Variants in CDH18 observed in about 807,000 individuals in gnomAD.
CDH18 encodes cadherin-18.
A neutral mutation model predicts 67.9 loss-of-function variants in CDH18; 31 were observed. The observed-to-expected ratio is 0.46, with a 90% CI of 0.34 to 0.62. CDH18 has a LOEUF of 0.62. Ranked by LOEUF, CDH18 falls within the 20% of genes least tolerant of loss-of-function variation. The pLI is 0.01. For missense variants in CDH18, 890 were observed against 975.5 expected, an observed-to-expected ratio of 0.91 and a Z score of 1.17; for synonymous variants, 362 against 347.2, an observed-to-expected ratio of 1.04 and a Z score of -0.48.
At chr5:20,472,726 C>A (rs975658320) in intron 1 of CDH18, among the ~76,000 whole-genome samples, 2 of 152,118 alleles carry the variant, frequency 1.3e-5, no homozygotes, top group African/African-American at 4.8e-5. Context: ...AATGACGATG[C>A]CTGAGTTACT....
intron 9 of CDH18, among the ~76,000 whole-genome samples, chr5:19,540,946 A>G (rs573864148): frequency 2.6e-4 from 39 of 152,180 alleles, no homozygotes; most frequent in Non-Finnish European, 5.0e-4. Flanking sequence ...AGCAGGCTCG[A>G]ATTTCTTCCC....
chr5:20,547,633 A>G (rs1288667729), intron 1 of CDH18, among the ~76,000 whole-genome samples: 3 of 152,160 alleles, frequency 2.0e-5, no homozygotes, highest in African/African-American at 7.2e-5. Context: ...AAATTTTGAT[A>G]GCATTCTTAG....
At chr5:20,111,333 A>T (rs1747440155) in intron 2 of CDH18, among the ~76,000 whole-genome samples, 1 of 152,066 alleles carries the variant, frequency 6.6e-6, no homozygotes, top group African/African-American at 2.4e-5. Flanking sequence ...GACACATCCA[A>T]TGATTTGCTG....
intron 2 of CDH18, among the ~76,000 whole-genome samples, chr5:19,893,719 A>T (rs1034499023): frequency 6.6e-6 from 1 of 152,108 alleles, no homozygotes; most frequent in Admixed American, 6.6e-5. Flanking sequence ...TTTAAGGAAG[A>T]TTTATGGAAG....
intron 5 of CDH18, among the ~76,000 whole-genome samples, chr5:19,708,899 C>T (rs993779481): frequency 6.6e-6 from 1 of 152,070 alleles, no homozygotes; most frequent in African/African-American, 2.4e-5. Flanking sequence ...TCTTTAATTC[C>T]TCTAGCACCA....
At chr5:19,980,783 C>T (rs1403623016) in intron 2 of CDH18, among the ~76,000 whole-genome samples, 2 of 152,142 alleles carry the variant, frequency 1.3e-5, no homozygotes, top group Admixed American at 6.6e-5. Context: ...GCTACAGTTG[C>T]GTATTCCATT....
chr5:19,779,423 CA>C (rs1160350134), intron 3 of CDH18, among the ~76,000 whole-genome samples: 2 of 152,062 alleles, frequency 1.3e-5, no homozygotes, highest in African/African-American at 4.8e-5. Context: ...AACAAATAGA[CA>C]GTAAAATACA....
intron 2 of CDH18, among the ~76,000 whole-genome samples, chr5:20,060,671 A>T (rs1166693107): frequency 6.6e-6 from 1 of 152,168 alleles, no homozygotes; most frequent in African/African-American, 2.4e-5. Context: ...TTTAAAAAAT[A>T]TTATAATGTT....
At chr5:19,875,870 T>C (rs904636634) in intron 2 of CDH18, among the ~76,000 whole-genome samples, 2 of 130,352 alleles carry the variant, frequency 1.5e-5, no homozygotes, top group Non-Finnish European at 3.3e-5. Flanking sequence ...TTAAATTTTA[T>C]TCCTTGGTAA....
chr5:20,312,768 G>A (rs1737108589), intron 1 of CDH18, among the ~76,000 whole-genome samples: 1 of 152,044 alleles, frequency 6.6e-6, no homozygotes, highest in Admixed American at 6.6e-5. Flanking sequence ...AAGACCCTTA[G>A]AAAATCTATT....
At chr5:20,125,794 A>G (rs1346143456) in intron 2 of CDH18, among the ~76,000 whole-genome samples, 1 of 152,128 alleles carries the variant, frequency 6.6e-6, no homozygotes, top group Non-Finnish European at 1.5e-5. Flanking sequence ...TGAGACAATC[A>G]TAGTTGATTC....
chr5:20,194,464 T>C (rs1245414769), intron 2 of CDH18, among the ~76,000 whole-genome samples: 2 of 152,222 alleles, frequency 1.3e-5, no homozygotes, highest in East Asian at 1.9e-4. Flanking sequence ...TTCATGTTTA[T>C]ATATGCTAAT....
intron 1 of CDH18, among the ~76,000 whole-genome samples, chr5:20,547,009 C>T (rs1470766887): frequency 6.6e-6 from 1 of 152,090 alleles, no homozygotes; most frequent in Non-Finnish European, 1.5e-5. Context: ...GGTATTCCTA[C>T]ACACGCTGTC....
chr5:19,493,237 A>G (rs193293382), intron 11 of CDH18, among the ~76,000 whole-genome samples: 68 of 152,294 alleles, frequency 4.5e-4, no homozygotes, highest in Non-Finnish European at 7.9e-4. Context: ...TACATTTCAT[A>G]TCATCCTCAT....
At chr5:20,200,910 TA>T (rs1739398704) in intron 2 of CDH18, among the ~76,000 whole-genome samples, 1 of 152,118 alleles carries the variant, frequency 6.6e-6, no homozygotes, top group South Asian at 2.1e-4. Flanking sequence ...CTTATTCAAC[TA>T]AAAAATCACT....
chr5:19,682,440 CCTT>C (rs1760466315), intron 5 of CDH18, among the ~76,000 whole-genome samples: 4 of 152,034 alleles, frequency 2.6e-5, no homozygotes, highest in African/African-American at 9.7e-5. Flanking sequence ...TCCATGAGGT[CCTT>C]CTTTTTTGCT....
At chr5:20,208,638 A>G (rs1340424605) in intron 2 of CDH18, among the ~76,000 whole-genome samples, 1 of 148,224 alleles carries the variant, frequency 6.7e-6, no homozygotes, top group Non-Finnish European at 1.5e-5. Flanking sequence ...CATTGCAGAA[A>G]TGCTCTAGAG....
intron 12 of CDH18, among the ~76,000 whole-genome samples, chr5:19,476,969 G>T (rs1738567349): frequency 6.6e-6 from 1 of 151,438 alleles, no homozygotes; most frequent in Non-Finnish European, 1.5e-5. Flanking sequence ...AAATAATTCA[G>T]ATATATTATG....
chr5:19,482,489 TAGTC>T, intron 12 of CDH18, among the ~76,000 whole-genome samples: 1 of 152,326 alleles, frequency 6.6e-6, no homozygotes, highest in East Asian at 1.9e-4. Context: ...AAAAAATATT[TAGTC>T]AGTATGTTAA....
Sources: gnomAD v4.1 joint callset for allele counts (sites outside exome capture counted in the v4.1 genomes callset) on GRCh38, gnomAD v4.1.1 for gene constraint, MANE v1.5 for transcripts, NCBI Gene and HGNC (gene_info 2026-07-23, HGNC 2026-07-21) for gene names.